GRIA1: variants seen among roughly 807,000 people sequenced by gnomAD.
GRIA1 encodes glutamate ionotropic receptor AMPA type subunit 1, also known as glutamate receptor 1.
GRIA1 carries 31 observed loss-of-function variants against 99.2 expected under a neutral mutation model. That is an observed-to-expected ratio of 0.31 (90% CI 0.23 to 0.42). The LOEUF is 0.42. Among genes scored for constraint, GRIA1 ranks in the 10% least tolerant of loss-of-function variants. The pLI, the probability that GRIA1 is intolerant of heterozygous loss-of-function variation, is 1.00. For missense variants in GRIA1, 782 were observed against 1,157.5 expected, an observed-to-expected ratio of 0.68 and a Z score of 4.71; for synonymous variants, 438 against 432.4, an observed-to-expected ratio of 1.01 and a Z score of -0.16.
rs139321414 is a variant in GRIA1, at chr5:153,648,023, C to G, written c.460+856C>G. On this transcript the variant is annotated intron_variant, in intron 3 of 15. Coordinates refer to ENST00000285900, the MANE Select transcript of GRIA1 (RefSeq NM_000827.4). ...AAATAGTCTTGTAATAATTTATTCA[C>G]TACTGGTGTAAACAAATAAATGGGT... is the stretch of plus-strand genomic sequence containing the variant. Among the ~76,000 whole-genome samples the G allele has an allele frequency of 7.9e-5, 12 of 152,294 alleles. 1 individual carries two copies. Among genetic ancestry groups the G allele is most frequent in the African/African-American group, 2.9e-4 (12 of 41,568 alleles).
At chr5:153,649,550 C>A (rs1049585644) in intron 3 of GRIA1, among the ~76,000 whole-genome samples, 1 of 152,136 alleles carries the variant, frequency 6.6e-6, no homozygotes, top group Non-Finnish European at 1.5e-5. Flanking sequence ...CTCTGCCTCC[C>A]AGGTTCAAGC....
At chr5:153,792,696 C>CCTTT (rs949670658) in intron 13 of GRIA1, among the ~76,000 whole-genome samples, 3 of 150,530 alleles carry the variant, frequency 2.0e-5, no homozygotes, top group African/African-American at 7.5e-5. Flanking sequence ...TTCCCTTCTT[C>CCTTT]CTTTCTTTCT....
At chr5:153,718,483 G>T (rs938117812) in intron 11 of GRIA1, among the ~76,000 whole-genome samples, 1 of 152,100 alleles carries the variant, frequency 6.6e-6, no homozygotes, top group Non-Finnish European at 1.5e-5. Flanking sequence ...GACAAACCTG[G>T]GTTTGGATCC....
chr5:153,611,633 C>T lies in GRIA1; in HGVS notation c.221-35295C>T, dbSNP rs75003568. On this transcript the variant is annotated intron_variant, in intron 2 of 15. Coordinates refer to ENST00000285900, the MANE Select transcript of GRIA1 (RefSeq NM_000827.4). ...ACAGATGCATAATTGTTGGCTCTCACGAAGACTTAAAATTAAAGTCGGAGG... is the reference window on the plus strand; with the variant it reads ...ACAGATGCATAATTGTTGGCTCTCATGAAGACTTAAAATTAAAGTCGGAGG... Among the ~76,000 whole-genome samples, 257 of 152,216 alleles carry T rather than the reference C, an allele frequency of 1.7e-3. 2 individuals are homozygous for T. Among genetic ancestry groups the T allele is most frequent in the African/African-American group, 6.1e-3 (252 of 41,530 alleles).
intron 11 of GRIA1, among the ~76,000 whole-genome samples, chr5:153,707,778 C>T (rs1005873019): frequency 2.7e-5 from 4 of 150,014 alleles, no homozygotes; most frequent in South Asian, 4.2e-4. Flanking sequence ...AAAGTCTCAT[C>T]GTTCATTATA....
intron 2 of GRIA1, among the ~76,000 whole-genome samples, chr5:153,505,268 T>C (rs1214766142): frequency 1.3e-5 from 2 of 152,222 alleles, no homozygotes; most frequent in African/African-American, 4.8e-5. Flanking sequence ...GGTGCACTTG[T>C]TTATTCAATA....
intron 13 of GRIA1, among the ~76,000 whole-genome samples, chr5:153,774,852 T>A (rs1764114695): frequency 6.6e-6 from 1 of 152,230 alleles, no homozygotes; most frequent in African/African-American, 2.4e-5. Context: ...AGTGACAGAA[T>A]GGGGCTTTTG....
At chr5:153,671,525 G>T (rs1429058440) in intron 5 of GRIA1, among the ~76,000 whole-genome samples, 1 of 152,168 alleles carries the variant, frequency 6.6e-6, no homozygotes, top group Non-Finnish European at 1.5e-5. Context: ...CTAATGGCTT[G>T]CTAGAACCAT....
chr5:153,520,786 CGTAAGAATTAGTAATA>C (rs1255117772), intron 2 of GRIA1, among the ~76,000 whole-genome samples: 3 of 152,024 alleles, frequency 2.0e-5, no homozygotes, highest in Non-Finnish European at 2.9e-5. Flanking sequence ...GAAAATCAAA[CGTAAGAATTAGTAATA>C]GTAATAATAA....
intron 10 of GRIA1, among the ~76,000 whole-genome samples, chr5:153,702,991 C>T (rs1205374661): frequency 1.3e-5 from 2 of 152,162 alleles, no homozygotes; most frequent in Non-Finnish European, 2.9e-5. Context: ...AAGAGCAGCC[C>T]GGTCTGAGAT....
Position 153,733,767 on chromosome 5 carries a change from G to A in GRIA1, c.1823+27700G>A, listed in dbSNP as rs375857544. ...CATAAATTGTAACAACAGACAAAGGGCATCATTATATAATGATGAAAGGGT... is the reference window on the plus strand; with the variant it reads ...CATAAATTGTAACAACAGACAAAGGACATCATTATATAATGATGAAAGGGT... On this transcript the variant is annotated intron_variant, in intron 11 of 15. Coordinates refer to ENST00000285900, the MANE Select transcript of GRIA1 (RefSeq NM_000827.4). Among the ~76,000 whole-genome samples, 15 of 152,058 alleles carry A rather than the reference G, an allele frequency of 9.9e-5. No homozygotes were observed. The East Asian group carries it at 2.3e-3, about 23-fold the overall frequency.
At chr5:153,684,336 C>T (rs752021699) in intron 7 of GRIA1, among the ~76,000 whole-genome samples, 2 of 152,150 alleles carry the variant, frequency 1.3e-5, no homozygotes, top group Non-Finnish European at 2.9e-5. Flanking sequence ...ACTCATCATG[C>T]ACCAAGCATT....
chr5:153,667,739 G>T (rs560136944), intron 5 of GRIA1, among the ~76,000 whole-genome samples: 4 of 152,130 alleles, frequency 2.6e-5, no homozygotes, highest in African/African-American at 9.7e-5. Context: ...CCAATTGCAC[G>T]TGATAATTAA....
intron 2 of GRIA1, among the ~76,000 whole-genome samples, chr5:153,641,075 T>C (rs1004361143): frequency 1.3e-5 from 2 of 152,128 alleles, no homozygotes; most frequent in African/African-American, 4.8e-5. Context: ...AGTAAGATGA[T>C]GAAGAATGTG....
At chr5:153,745,311 G>A (rs900573932) in intron 11 of GRIA1, among the ~76,000 whole-genome samples, 1 of 148,970 alleles carries the variant, frequency 6.7e-6, no homozygotes, top group African/African-American at 2.5e-5. Context: ...AAATAGACTG[G>A]GCATGGTGGC....
intron 1 of GRIA1, chr5:153,492,408 C>T (rs1313581266): frequency 2.7e-6 from 3 of 1,120,630 alleles, no homozygotes; most frequent in African/African-American, 1.6e-5. Flanking sequence ...ACTCCTCAAC[C>T]TCCCATCCTT....
chr5:153,704,015 G>A (rs1054213124), intron 10 of GRIA1, among the ~76,000 whole-genome samples: 2 of 152,166 alleles, frequency 1.3e-5, no homozygotes, highest in East Asian at 1.9e-4. Flanking sequence ...TTATGCAGTG[G>A]GTATTAGGGG....
intron 13 of GRIA1, among the ~76,000 whole-genome samples, chr5:153,789,337 C>G (rs537716984): frequency 7.0e-6 from 1 of 142,070 alleles, no homozygotes; most frequent in African/African-American, 2.6e-5. Flanking sequence ...ATATATATAT[C>G]TCCTACATAT....
intron 2 of GRIA1, among the ~76,000 whole-genome samples, chr5:153,614,012 T>A (rs1766241430): frequency 6.6e-6 from 1 of 152,180 alleles, no homozygotes; most frequent in Admixed American, 6.5e-5. Context: ...AGTCCTTGCC[T>A]TGGGGCCTTC....
Sources: allele counts gnomAD v4.1 joint callset (sites outside exome capture counted in the v4.1 genomes callset), GRCh38; gene constraint gnomAD v4.1.1; transcripts MANE v1.5; gene names NCBI Gene and HGNC (gene_info 2026-07-23, HGNC 2026-07-21).